Variants in KLHL1 observed in about 807,000 individuals in gnomAD.
KLHL1 encodes the protein kelch like family member 1.
In KLHL1, 47 loss-of-function variants were observed where a neutral mutation model predicts 77.7. The observed-to-expected ratio is 0.60, with a 90% CI of 0.48 to 0.77. The LOEUF (loss-of-function observed/expected upper bound fraction) is 0.77, where lower values mean the gene tolerates loss of function less well. Ranked by LOEUF, KLHL1 falls within the 30% of genes least tolerant of loss-of-function variation. KLHL1 has a pLI of 0.00. For missense variants in KLHL1, 925 were observed against 910.8 expected, an observed-to-expected ratio of 1.02 and a Z score of -0.20; for synonymous variants, 360 against 325.2, an observed-to-expected ratio of 1.11 and a Z score of -1.15.
intron 3 of KLHL1, among the ~76,000 whole-genome samples, chr13:69,946,358 A>G (rs940564236): frequency 6.6e-6 from 1 of 152,072 alleles, no homozygotes; most frequent in African/African-American, 2.4e-5. Flanking sequence ...TTTAAAAAAG[A>G]ATACTCAACT....
At chr13:70,009,240 G>T (rs1328809725) in intron 1 of KLHL1, among the ~76,000 whole-genome samples, 1 of 152,102 alleles carries the variant, frequency 6.6e-6, no homozygotes, top group Non-Finnish European at 1.5e-5. Flanking sequence ...ACTACACACT[G>T]CAATGAAATC....
At chr13:69,841,202 G>A (rs1342805593) in intron 5 of KLHL1, among the ~76,000 whole-genome samples, 1 of 150,938 alleles carries the variant, frequency 6.6e-6, no homozygotes, top group East Asian at 1.9e-4. Context: ...CATAGTATTG[G>A]AAGTCTTAGT....
intron 4 of KLHL1, among the ~76,000 whole-genome samples, chr13:69,918,239 T>C (rs2138258611): frequency 6.6e-6 from 1 of 152,044 alleles, no homozygotes; most frequent in Non-Finnish European, 1.5e-5. Context: ...TTTGTAAATT[T>C]TATTTTAAAA....
chr13:69,913,332 T>A (rs1402104899), intron 4 of KLHL1, among the ~76,000 whole-genome samples: 2 of 152,116 alleles, frequency 1.3e-5, no homozygotes, highest in Admixed American at 6.5e-5. Context: ...GAGACCACCT[T>A]CCAAGCTTGC....
chr13:69,765,952 C>T (rs535026974), intron 7 of KLHL1, among the ~76,000 whole-genome samples: 49 of 152,302 alleles, frequency 3.2e-4, no homozygotes, highest in Middle Eastern at 3.4e-3. Flanking sequence ...TTACTCTTAG[C>T]CTCAGTTGAC....
intron 6 of KLHL1, among the ~76,000 whole-genome samples, chr13:69,799,716 A>C (rs748304402): frequency 2.6e-5 from 4 of 152,338 alleles, no homozygotes; most frequent in Non-Finnish European, 5.9e-5. Flanking sequence ...AAATGCTGCC[A>C]TGGCTCTGTT....
intron 6 of KLHL1, among the ~76,000 whole-genome samples, chr13:69,799,864 G>A (rs776493498): frequency 8.5e-5 from 13 of 152,208 alleles, no homozygotes; most frequent in Non-Finnish European, 1.3e-4. Flanking sequence ...GGAGGTGAGC[G>A]GCACCCCGAG....
intron 4 of KLHL1, among the ~76,000 whole-genome samples, chr13:69,924,892 C>A (rs1400969354): frequency 1.3e-5 from 2 of 152,202 alleles, no homozygotes; most frequent in African/African-American, 2.4e-5. Flanking sequence ...CCTGGTCCAG[C>A]CACAGCCTTG....
At chr13:70,030,891 A>G (rs1886080293) in intron 1 of KLHL1, among the ~76,000 whole-genome samples, 1 of 152,214 alleles carries the variant, frequency 6.6e-6, no homozygotes, top group African/African-American at 2.4e-5. Flanking sequence ...AATAGACACA[A>G]TAAAAAATGA....
At chr13:69,924,874 G>C (rs1344142469) in intron 4 of KLHL1, among the ~76,000 whole-genome samples, 3 of 152,200 alleles carry the variant, frequency 2.0e-5, no homozygotes. Flanking sequence ...GAAGCTGTTT[G>C]TGGGACGCCT....
chr13:69,901,007 C>G (rs1258645406), intron 4 of KLHL1, among the ~76,000 whole-genome samples: 2 of 152,116 alleles, frequency 1.3e-5, no homozygotes, highest in Non-Finnish European at 2.9e-5. Context: ...CTAGGGAAAA[C>G]ACACATCTTT....
intron 9 of KLHL1, among the ~76,000 whole-genome samples, chr13:69,709,132 T>C (rs1246199682): frequency 6.6e-6 from 1 of 152,022 alleles, no homozygotes; most frequent in African/African-American, 2.4e-5. Flanking sequence ...CAGGATCACC[T>C]TGAAACACAG....
In KLHL1 at chr13:70,108,173, G is replaced by C. The variant is rs1888124209; in HGVS notation, c.-474C>G. ...GTGGCGTTCTTGTCCTTGCAGCTCAGAGTTCAGTGTCTGGAGAGCGCAGAG... is the reference window on the plus strand; with the variant it reads ...GTGGCGTTCTTGTCCTTGCAGCTCACAGTTCAGTGTCTGGAGAGCGCAGAG... On this transcript the variant is annotated 5_prime_UTR_variant, in exon 1 of 11. Coordinates refer to ENST00000377844, the MANE Select transcript of KLHL1 (RefSeq NM_020866.3). 5.0e-6 allele frequency: 2 copies of C among 399,584 alleles called. No individual in the cohort carries two copies. The highest frequency in any genetic ancestry group is 4.3e-5 in the Admixed American group (1 of 23,158). The allele number at this position is 399,584 out of a possible 1,614,324, so 24.8% of individuals were successfully genotyped here.
chr13:69,923,770 A>C (rs1882718588), intron 4 of KLHL1, among the ~76,000 whole-genome samples: 1 of 152,148 alleles, frequency 6.6e-6, no homozygotes, highest in African/African-American at 2.4e-5. Flanking sequence ...AGCCAGGGCT[A>C]CATTTGCCAT....
At chr13:70,101,683 C>A (rs1415502750) in intron 1 of KLHL1, among the ~76,000 whole-genome samples, 1 of 152,120 alleles carries the variant, frequency 6.6e-6, no homozygotes, top group Non-Finnish European at 1.5e-5. Context: ...CCCACCTTGG[C>A]CTCCCAAAGT....
intron 1 of KLHL1, among the ~76,000 whole-genome samples, chr13:70,007,668 T>A (rs1429913370): frequency 6.6e-6 from 1 of 152,022 alleles, no homozygotes; most frequent in East Asian, 1.9e-4. Flanking sequence ...GCTTTGTTGG[T>A]GAACCATTAT....
intron 6 of KLHL1, among the ~76,000 whole-genome samples, chr13:69,804,413 C>T (rs1877525936): frequency 6.6e-6 from 1 of 152,110 alleles, no homozygotes; most frequent in Non-Finnish European, 1.5e-5. Context: ...CCTCACTTAT[C>T]TTGCATACAG....
At chr13:69,738,526 C>T (rs954523680) in intron 8 of KLHL1, among the ~76,000 whole-genome samples, 1 of 151,888 alleles carries the variant, frequency 6.6e-6, no homozygotes, top group Admixed American at 6.6e-5. Context: ...AGCTGTTAAC[C>T]AGAATAACCA....
intron 7 of KLHL1, among the ~76,000 whole-genome samples, chr13:69,760,563 C>T (rs1874973571): frequency 6.6e-6 from 1 of 151,978 alleles, no homozygotes; most frequent in Non-Finnish European, 1.5e-5. Context: ...TCATATTTCC[C>T]AGGCTGGTCT....
Sources: gnomAD v4.1 joint callset for allele counts (sites outside exome capture counted in the v4.1 genomes callset) on GRCh38, gnomAD v4.1.1 for gene constraint, MANE v1.5 for transcripts, NCBI Gene and HGNC (gene_info 2026-07-23, HGNC 2026-07-21) for gene names.